SSTR5: variants seen among roughly 807,000 people sequenced by gnomAD.
The protein encoded by SSTR5 is somatostatin receptor type 5.
A neutral mutation model predicts 0.3 loss-of-function variants in SSTR5; 1 was observed. The observed-to-expected ratio is 2.98, with a 90% CI of 1.06 to 14.15. SSTR5 has a LOEUF of 14.15. Among genes scored for constraint, SSTR5 ranks in the 30% most tolerant of loss-of-function variants. The pLI, the probability that SSTR5 is intolerant of heterozygous loss-of-function variation, is 0.12. For missense variants in SSTR5, 516 were observed against 543.2 expected, an observed-to-expected ratio of 0.95 and a Z score of 0.50; for synonymous variants, 256 against 263.1, an observed-to-expected ratio of 0.97 and a Z score of 0.26.
intron 1 of SSTR5, among the ~76,000 whole-genome samples, chr16:1,077,137 C>T (rs1466607931): frequency 2.0e-5 from 3 of 152,232 alleles, no homozygotes; most frequent in Non-Finnish European, 2.9e-5. Context: ...CCACAGCCCC[C>T]AGCCAGGACT....
intron 1 of SSTR5, chr16:1,078,556 G>A: frequency 2.1e-6 from 1 of 473,396 alleles, no homozygotes. Context: ...GGCCAGGCCA[G>A]GCGCCATCTG....
Position 1,079,525 on chromosome 16 carries a change from G to C in SSTR5, c.657G>C (p.Leu219=). Residue 219 remains leucine, a synonymous_variant, in exon 2 of 2, where the codon CTG becomes CTC. Transcript: ENST00000689027. ...TCGCGCCGCTGCTGGTCATCTGCCT[G>C]TGCTACCTGCTCATCGTGGTGAAGG... ...GFFAPLLVIC[L]CYLLIVVKVR... is the part of the protein sequence containing the mutation. 6.2e-7 allele frequency: 1 copy of C among 1,612,138 alleles called. No individual in the cohort carries two copies. The highest frequency in any genetic ancestry group is 1.7e-5 in the Admixed American group (1 of 59,946).
intron 1 of SSTR5, among the ~76,000 whole-genome samples, chr16:1,074,773 TG>T (rs1162338864): frequency 2.0e-5 from 3 of 151,756 alleles, no homozygotes; most frequent in Non-Finnish European, 4.4e-5. Flanking sequence ...AGTTGTGGGG[TG>T]GGGGCAGGAG....
At position 1,079,946 on chromosome 16, in the gene SSTR5, C is replaced by T. The variant is rs868404595; in HGVS notation, c.1078C>T (p.Gln360Ter). 6.2e-7 allele frequency: 1 copy of T among 1,603,288 alleles called. No homozygotes were observed. Residue 360 changes from glutamine (Q) to a stop codon, truncating the protein, a stop_gained, in exon 2 of 2, where the codon CAG becomes TAG. Coordinates refer to ENST00000689027, the MANE Select transcript of SSTR5 (RefSeq NM_001172560.3). LOFTEE classifies it high-confidence loss of function. The stretch of plus-strand genomic sequence containing the variant: ...CCGCGCCGCAGCCAACGGGCTTATG[C>T]AGACCAGCAAGCTGTGAGAGTGCAG... ...AHRAAANGLM[Q>*]TSKL
intron 1 of SSTR5, chr16:1,078,248 A>C: frequency 6.4e-6 from 1 of 155,604 alleles, no homozygotes. Context: ...GCCTGGAGAG[A>C]GGTTCGGGGC....
intron 1 of SSTR5, among the ~76,000 whole-genome samples, chr16:1,075,040 A>G (rs903250798): frequency 6.6e-6 from 1 of 152,118 alleles, no homozygotes; most frequent in Non-Finnish European, 1.5e-5. Flanking sequence ...GAAAGCTCCT[A>G]CTGCTGGCTC....
intron 1 of SSTR5, chr16:1,078,578 G>A: frequency 3.9e-6 from 2 of 513,328 alleles, no homozygotes; most frequent in Non-Finnish European, 7.1e-6. Flanking sequence ...GTGCAGGGGC[G>A]GCCACAGGGC....
chr16:1,079,604 G>C lies in SSTR5; in HGVS notation c.736G>C (p.Val246Leu). The stretch of plus-strand genomic sequence containing the variant: ...CGTGCGGCGGCGCTCGGAGCGGAAG[G>C]TGACGCGCATGGTGTTGGTGGTGGT... Reference protein sequence around the residue: ...GCVRRRSERKVTRMVLVVVLV... With the variant: ...GCVRRRSERKLTRMVLVVVLV... Residue 246 changes from valine to leucine, a missense_variant, in exon 2 of 2, where the codon GTG (valine) becomes CTG (leucine). Transcript: ENST00000689027. 1 of 1,611,648 alleles carries C rather than the reference G, an allele frequency of 6.2e-7. No individual in the cohort carries two copies. Among genetic ancestry groups the C allele is most frequent in the Non-Finnish European group, 8.5e-7 (1 of 1,179,050 alleles).
chr16:1,076,540 A>G (rs893686237), intron 1 of SSTR5, among the ~76,000 whole-genome samples: 120 of 151,310 alleles, frequency 7.9e-4, no homozygotes, highest in Middle Eastern at 3.4e-3. Context: ...GTGCGCTCCC[A>G]GAAGGGATCC....
Position 1,079,299 on chromosome 16 carries a change from C to T in SSTR5, c.431C>T (p.Pro144Leu), listed in dbSNP as rs759226187. The T allele has an allele frequency of 7.7e-5, 124 of 1,610,606 alleles. No homozygotes were observed. Among genetic ancestry groups the T allele is most frequent in the Non-Finnish European group, 9.9e-5 (117 of 1,179,120 alleles). The change falls in exon 2 of 2, where the codon CCG (proline) becomes CTG (leucine). Residue 144 changes from proline (P) to leucine (L), a missense_variant. By Grantham distance (98) the Pro-to-Leu change is moderately conservative. Transcript: ENST00000689027. Reference sequence around the variant, plus strand: ...GACCGCTACCTGGCAGTGGTGCACCCGCTGAGCTCGGCCCGCTGGCGCCGC... The same window carrying T: ...GACCGCTACCTGGCAGTGGTGCACCTGCTGAGCTCGGCCCGCTGGCGCCGC... ...SVDRYLAVVH[P>L]LSSARWRRPR...
rs1376322233 is a variant in SSTR5 at position 1,072,789 on chromosome 16, G to C, written c.-61G>C. ...CCGGAGCCAGTGCCGCGCGGACATC[G>C]GGGCTCCCCCGTTCAGAGGGCGCCG... On this transcript the variant is annotated 5_prime_UTR_variant, in exon 1 of 2. Transcript: ENST00000689027. 1.2e-4 allele frequency among the ~76,000 whole-genome samples: 17 copies of C among 141,804 alleles called. No individual in the cohort carries two copies. The highest frequency in any genetic ancestry group is 4.6e-4 in the Admixed American group (6 of 12,938). The allele number at this position is 141,804 out of a possible 152,430, so 93.0% of individuals were successfully genotyped here.
rs1479062291 is a variant in SSTR5, at chr16:1,081,399, T to C, written c.*1436T>C. On this transcript the variant is annotated 3_prime_UTR_variant, in exon 2 of 2. Transcript: ENST00000689027. The stretch of plus-strand genomic sequence containing the variant: ...CCAGGCCTGGGAAACATCCAAGCAG[T>C]GAGGACACGCGTGTTTGACAACTGC... Among the ~76,000 whole-genome samples the C allele has an allele frequency of 6.6e-6, 1 of 152,086 alleles. No homozygotes were observed. Among genetic ancestry groups the C allele is most frequent in the Non-Finnish European group, 1.5e-5 (1 of 67,990 alleles).
rs1246066474 is a variant in SSTR5 at position 1,081,136 on chromosome 16, A to G, written c.*1173A>G. 1 of 470,308 alleles carries G rather than the reference A, an allele frequency of 2.1e-6. No homozygotes were observed. 29.1% of individuals were successfully genotyped at this position (470,308 alleles called of 1,614,324 possible). A position where few individuals can be genotyped will look rare whatever the true frequency, so the allele number is the denominator to read the frequency against. The stretch of plus-strand genomic sequence containing the variant: ...GCTTTTCCTGGCGCCCCAGGCCCAG[A>G]ACGTGGGCCCAGAGAGCCTTGCTGG... On this transcript the variant is annotated 3_prime_UTR_variant, in exon 2 of 2. Coordinates refer to ENST00000689027, the MANE Select transcript of SSTR5 (RefSeq NM_001172560.3).
Position 1,078,976 on chromosome 16 carries a change from A to G in SSTR5, c.108A>G (p.Ala36=), listed in dbSNP as rs766772176. ...NRTLVGPAPS[A]GARAVLVPVL... Reference sequence around the variant, plus strand: ...CGCTGGTGGGGCCGGCGCCCTCGGCAGGGGCCCGGGCGGTGCTGGTGCCCG... The same window carrying G: ...CGCTGGTGGGGCCGGCGCCCTCGGCGGGGGCCCGGGCGGTGCTGGTGCCCG... The change falls in exon 2 of 2, where the codon GCA becomes GCG. Residue 36 remains alanine (A), a synonymous_variant. Coordinates refer to ENST00000689027, the MANE Select transcript of SSTR5 (RefSeq NM_001172560.3). 1 of 1,591,298 alleles carries G rather than the reference A, an allele frequency of 6.3e-7. No homozygotes were observed. The highest frequency in any genetic ancestry group is 2.3e-5 in the East Asian group (1 of 43,376).
In SSTR5 at chr16:1,080,540, C is replaced by A. The variant is rs2151559505; in HGVS notation, c.*577C>A. Among the ~76,000 whole-genome samples the A allele has an allele frequency of 6.6e-6, 1 of 152,324 alleles. No homozygotes were observed. Among genetic ancestry groups the A allele is most frequent in the South Asian group, 2.1e-4 (1 of 4,832 alleles). ...TGTAAGGGGAGTGTGGCTGGGCAGC[C>A]CCTGGTCAGCCAGGGTCACGCCTGT... is the stretch of plus-strand genomic sequence containing the variant. On this transcript the variant is annotated 3_prime_UTR_variant, in exon 2 of 2. Coordinates refer to ENST00000689027, the MANE Select transcript of SSTR5 (RefSeq NM_001172560.3).
chr16:1,080,136 C>T lies in SSTR5; in HGVS notation c.*173C>T, dbSNP rs1274927663. 10 of 877,920 alleles carry T rather than the reference C, an allele frequency of 1.1e-5. No individual in the cohort carries two copies. The highest frequency in any genetic ancestry group is 5.1e-5 in the African/African-American group (3 of 58,894). The allele number at this position is 877,920 out of a possible 1,614,324, so 54.4% of individuals were successfully genotyped here. A position where few individuals can be genotyped will look rare whatever the true frequency, so the allele number is the denominator to read the frequency against. On this transcript the variant is annotated 3_prime_UTR_variant, in exon 2 of 2. Transcript: ENST00000689027. ...AGGGCAGTAGGTTCCCCACCGTGAC[C>T]GACCATCCCCTCTAACCGTCTGCCA...
intron 1 of SSTR5, 190 bp downstream of exon 1, chr16:1,073,012 G>C (rs2151553059): frequency 6.6e-6 from 1 of 152,422 alleles, no homozygotes; most frequent in East Asian, 1.9e-4. Context: ...CGCCGCCGGG[G>C]GTCCCTCCCC....
At chr16:1,078,595 C>T (rs972737500) in intron 1 of SSTR5, 38 of 547,536 alleles carry the variant, frequency 6.9e-5, no homozygotes, top group Admixed American at 2.5e-4. Flanking sequence ...GGGCAGCTGT[C>T]GCCATATCGA....
At chr16:1,078,735 G>T in intron 1 of SSTR5, 107 bp from the exon 2 acceptor site, 1 of 1,023,010 alleles carries the variant, frequency 9.8e-7, no homozygotes, top group Non-Finnish European at 1.4e-6. Flanking sequence ...TTTACCCGGT[G>T]ATCCCGCGCC....
Sources: gnomAD v4.1 joint callset for allele counts (sites outside exome capture counted in the v4.1 genomes callset) on GRCh38, gnomAD v4.1.1 for gene constraint, MANE v1.5 for transcripts, NCBI Gene and HGNC (gene_info 2026-07-23, HGNC 2026-07-21) for gene names.